Variants in TMEM272 observed in about 807,000 individuals in gnomAD.
TMEM272 encodes long intergenic non-protein coding RNA 282.
Under a neutral mutation model 3.7 loss-of-function variants are expected in TMEM272, and 8 were observed. The observed-to-expected ratio is 2.17, with a 90% CI of 1.27 to 3.91. The LOEUF (loss-of-function observed/expected upper bound fraction) is 3.91, where lower values mean the gene tolerates loss of function less well. TMEM272 is among the 30% of genes most tolerant of loss of function. TMEM272 has a pLI of 0.00. For missense variants in TMEM272, 166 were observed against 91.5 expected (o/e 1.81, Z -3.32); for synonymous variants, 63 against 39.8 (o/e 1.58, Z -2.20).
chr13:51,851,338 G>A, the TMEM272 span, among the ~76,000 whole-genome samples: 3 of 150,392 alleles, frequency 2.0e-5, no homozygotes, highest in Non-Finnish European at 4.4e-5. Flanking sequence ...TGCCTCCTCC[G>A]TAACCAAAAA....
upstream of TMEM272, among the ~76,000 whole-genome samples, chr13:51,846,683 C>T (rs1209387938): frequency 6.6e-6 from 1 of 151,974 alleles, no homozygotes; most frequent in Non-Finnish European, 1.5e-5. Context: ...TGTTATTGCC[C>T]CTGAAGAACT....
intron 4 of TMEM272, among the ~76,000 whole-genome samples, chr13:51,819,970 T>A (rs569293923): frequency 6.6e-6 from 1 of 152,302 alleles, no homozygotes; most frequent in South Asian, 2.1e-4. Context: ...GTTTATGCTG[T>A]TGCTCTGGCA....
chr13:51,874,239 G>GTAGT, the TMEM272 span, among the ~76,000 whole-genome samples: 1 of 152,202 alleles, frequency 6.6e-6, no homozygotes, highest in Non-Finnish European at 1.5e-5. Flanking sequence ...TCTTGGCTGT[G>GTAGT]TAGTCACTTA....
rs150588108 is a variant in TMEM272, at chr13:51,842,728, G to A, written c.-24+2288C>T. ...ACATTAAGTGAACACATCACATTTT[G>A]ACATAAGCATTCTTTCTGTTACCAT... On this transcript the variant is annotated intron_variant, in intron 1 of 4. Coordinates refer to ENST00000629372, the MANE Select transcript of TMEM272 (RefSeq NM_001351003.2). 9.2e-5 allele frequency among the ~76,000 whole-genome samples: 14 copies of A among 152,272 alleles called. No individual in the cohort carries two copies. In the East Asian group the frequency reaches 2.1e-3, roughly 23 times the overall value.
chr13:51,908,901 G>C, the TMEM272 span: 2 of 1,408,836 alleles, frequency 1.4e-6, no homozygotes, highest in Non-Finnish European at 2.0e-6. Context: ...ATCACAGCTT[G>C]ATTCTCCTCT....
the TMEM272 span, among the ~76,000 whole-genome samples, chr13:51,864,839 C>T: frequency 6.6e-6 from 1 of 152,150 alleles, no homozygotes; most frequent in African/African-American, 2.4e-5. Flanking sequence ...TTGTTTTAAA[C>T]CACTTTTCCC....
At chr13:51,851,355 AGAG>A in the TMEM272 span, among the ~76,000 whole-genome samples, 2 of 149,258 alleles carry the variant, frequency 1.3e-5, no homozygotes, top group African/African-American at 4.9e-5. Context: ...AAAAAAAAGA[AGAG>A]GAAGAAGAGG....
chr13:51,898,119 G>T, the TMEM272 span, among the ~76,000 whole-genome samples: 1 of 151,958 alleles, frequency 6.6e-6, no homozygotes, highest in East Asian at 1.9e-4. Context: ...GTTACTGGCT[G>T]AGGCAGGAGA....
chr13:51,821,420 TTC>T (rs910679481), intron 4 of TMEM272, among the ~76,000 whole-genome samples: 1 of 152,270 alleles, frequency 6.6e-6, no homozygotes, highest in African/African-American at 2.4e-5. Context: ...CAGTTGCTTT[TTC>T]TGTTTAAACA....
the TMEM272 span, among the ~76,000 whole-genome samples, chr13:51,904,268 C>T: frequency 1.1e-3 from 171 of 152,188 alleles, no homozygotes; most frequent in African/African-American, 3.9e-3. Context: ...GTGCTGCTGC[C>T]TATTTTGAAA....
chr13:51,850,274 AATG>A, the TMEM272 span, among the ~76,000 whole-genome samples: 3 of 152,198 alleles, frequency 2.0e-5, no homozygotes, highest in Middle Eastern at 6.3e-3. Flanking sequence ...CCTATTAAGT[AATG>A]ATGATTTCCT....
chr13:51,868,221 G>C, the TMEM272 span, among the ~76,000 whole-genome samples: 1 of 152,166 alleles, frequency 6.6e-6, no homozygotes, highest in African/African-American at 2.4e-5. Context: ...GCTAATTCTT[G>C]CCTACGGGAA....
the TMEM272 span, among the ~76,000 whole-genome samples, chr13:51,890,222 G>A: frequency 6.6e-6 from 1 of 152,166 alleles, no homozygotes; most frequent in Non-Finnish European, 1.5e-5. Flanking sequence ...TCCCCCAAAA[G>A]CTCATGTTGA....
the TMEM272 span, among the ~76,000 whole-genome samples, chr13:51,927,511 G>A: frequency 5.9e-5 from 9 of 152,198 alleles, no homozygotes; most frequent in African/African-American, 2.2e-4. Context: ...AAAGGTTGCT[G>A]AAAATGATCG....
At chr13:51,910,000 T>G in the TMEM272 span, 1 of 1,546,616 alleles carries the variant, frequency 6.5e-7, no homozygotes, top group African/African-American at 1.4e-5. Context: ...GCATCTTGTA[T>G]TCCTATCTCC....
the TMEM272 span, among the ~76,000 whole-genome samples, chr13:51,904,228 T>C: frequency 6.6e-6 from 1 of 152,072 alleles, no homozygotes; most frequent in Non-Finnish European, 1.5e-5. Flanking sequence ...ATGATGATGA[T>C]GATGTTAATG....
At chr13:51,849,782 C>A (rs914163604), upstream of TMEM272, among the ~76,000 whole-genome samples, 6 of 152,226 alleles carry the variant, frequency 3.9e-5, no homozygotes, top group African/African-American at 1.4e-4. Flanking sequence ...TTAACCTGGG[C>A]TCCAAGGCCG....
At chr13:51,840,147 A>G (rs1214949699) in intron 1 of TMEM272, among the ~76,000 whole-genome samples, 1 of 152,148 alleles carries the variant, frequency 6.6e-6, no homozygotes, top group Non-Finnish European at 1.5e-5. Context: ...GGGGTTTGAA[A>G]TGAGGCCTCC....
intron 1 of TMEM272, among the ~76,000 whole-genome samples, chr13:51,840,634 C>A (rs975761873): frequency 2.0e-5 from 3 of 152,200 alleles, no homozygotes; most frequent in African/African-American, 7.2e-5. Flanking sequence ...CCTCCTGACG[C>A]AGGCTCCCTG....
Sources: allele counts gnomAD v4.1 joint callset (sites outside exome capture counted in the v4.1 genomes callset), GRCh38; gene constraint gnomAD v4.1.1; transcripts MANE v1.5; gene names NCBI Gene and HGNC (gene_info 2026-07-23, HGNC 2026-07-21).